The following MAP4K4 variants were observed in gnomAD, a reference collection of about 807,000 sequenced individuals.
MAP4K4 encodes HPK/GCK-like kinase HGK.
In MAP4K4, 38 loss-of-function variants were observed where a neutral mutation model predicts 189.6. That is an observed-to-expected ratio of 0.20 (90% confidence interval 0.15 to 0.26). The LOEUF (loss-of-function observed/expected upper bound fraction) is 0.26, where lower values mean the gene tolerates loss of function less well. Among genes scored for constraint, MAP4K4 ranks in the 10% least tolerant of loss-of-function variants. The pLI, the probability that MAP4K4 is intolerant of heterozygous loss-of-function variation, is 1.00. For synonymous variants in MAP4K4, 610 were observed against 624.3 expected (o/e 0.98, Z 0.34); for missense variants, 1,054 against 1,726.9 (o/e 0.61, Z 6.91).
At chr2:101,767,503 G>C (rs571021503) in intron 2 of MAP4K4, among the ~76,000 whole-genome samples, 1 of 152,316 alleles carries the variant, frequency 6.6e-6, no homozygotes, top group African/African-American at 2.4e-5. Flanking sequence ...ATGACAGCTT[G>C]CTTTGGCGTG....
At chr2:101,727,065 A>C (rs958723368) in intron 2 of MAP4K4, among the ~76,000 whole-genome samples, 2 of 152,184 alleles carry the variant, frequency 1.3e-5, no homozygotes, top group Non-Finnish European at 2.9e-5. Context: ...GGATGAACCC[A>C]TTTATGAAGA....
intron 2 of MAP4K4, among the ~76,000 whole-genome samples, chr2:101,755,885 T>G (rs140639732): frequency 6.6e-6 from 1 of 151,980 alleles, no homozygotes; most frequent in Non-Finnish European, 1.5e-5. Context: ...TTACTGTGTT[T>G]TGATGCATGC....
At chr2:101,834,182 TCCCTCCCTC>T (rs1424903505) in intron 7 of MAP4K4, among the ~76,000 whole-genome samples, 1 of 122,182 alleles carries the variant, frequency 8.2e-6, no homozygotes, top group South Asian at 3.3e-4. Context: ...TTCCCTCCCT[TCCCTCCCTC>T]CCCTCCCTCC....
chr2:101,812,246 G>A (rs1208507718), intron 3 of MAP4K4, among the ~76,000 whole-genome samples: 2 of 152,290 alleles, frequency 1.3e-5, no homozygotes, highest in Non-Finnish European at 2.9e-5. Flanking sequence ...TGACTCAGGG[G>A]ACTCCATGCA....
chr2:101,817,787 G>A (rs1163608198), intron 3 of MAP4K4, among the ~76,000 whole-genome samples: 1 of 152,212 alleles, frequency 6.6e-6, no homozygotes, highest in Non-Finnish European at 1.5e-5. Context: ...AGGATGCGTT[G>A]CGTTTTTGTT....
At chr2:101,772,030 C>T (rs2081701693) in intron 2 of MAP4K4, among the ~76,000 whole-genome samples, 1 of 152,196 alleles carries the variant, frequency 6.6e-6, no homozygotes, top group Non-Finnish European at 1.5e-5. Flanking sequence ...CAAGGCCAGG[C>T]CTCTAGTAAG....
chr2:101,785,698 C>CTTTTCCTTTTTTGAGTTGGAG (rs1558913722), intron 2 of MAP4K4, among the ~76,000 whole-genome samples: 39 of 3,970 alleles, frequency 9.8e-3, no homozygotes, highest in Admixed American at 0.013. Flanking sequence ...CTCTCTCTCT[C>CTTTTCCTTTTTTGAGTTGGAG]TCTCTCTCTC....
intron 2 of MAP4K4, among the ~76,000 whole-genome samples, chr2:101,725,092 G>C (rs1437380469): frequency 1.3e-5 from 2 of 152,160 alleles, no homozygotes; most frequent in Admixed American, 6.5e-5. Flanking sequence ...TTTCTCACAT[G>C]GATGACATTG....
At position 101,835,890 on chromosome 2, in the gene MAP4K4, C is replaced by T; in HGVS notation, c.695-10C>T. 6.2e-7 allele frequency: 1 copy of T among 1,601,332 alleles called. No individual in the cohort carries two copies. Among genetic ancestry groups the T allele is most frequent in the Non-Finnish European group, 8.6e-7 (1 of 1,168,600 alleles). On this transcript the variant is annotated splice_polypyrimidine_tract_variant and intron_variant, in intron 8 of 32. Transcript: ENST00000324219. ...AGTGCCATACTGACACGACCGTCTCCTCTCCCCAGCTCTCTGTGACATGCA... is the reference window on the plus strand; with the variant it reads ...AGTGCCATACTGACACGACCGTCTCTTCTCCCCAGCTCTCTGTGACATGCA...
At chr2:101,785,970 C>T (rs1029681415) in intron 2 of MAP4K4, among the ~76,000 whole-genome samples, 27 of 152,104 alleles carry the variant, frequency 1.8e-4, no homozygotes, top group South Asian at 4.1e-4. Flanking sequence ...GGATTATAGG[C>T]GCCCGCCACC....
chr2:101,792,133 G>GTACC (rs1293340389), intron 3 of MAP4K4, among the ~76,000 whole-genome samples: 2 of 152,118 alleles, frequency 1.3e-5, no homozygotes, highest in African/African-American at 4.8e-5. Flanking sequence ...TATTTATGAA[G>GTACC]TACCCTCTTT....
intron 2 of MAP4K4, among the ~76,000 whole-genome samples, chr2:101,703,638 AG>A (rs2040320548): frequency 1.1e-5 from 1 of 90,800 alleles, no homozygotes; most frequent in East Asian, 3.4e-4. Context: ...AAAAAAAAAA[AG>A]GCGGGGGTGG....
chr2:101,825,451 A>G (rs769269014), intron 5 of MAP4K4, 22 bp downstream of exon 5: 1 of 1,514,938 alleles, frequency 6.6e-7, no homozygotes, highest in Non-Finnish European at 9.2e-7. Flanking sequence ...GGGTGGCTAC[A>G]GTGCTCCAAC....
At chr2:101,856,726 C>T (rs989372533) in intron 13 of MAP4K4, among the ~76,000 whole-genome samples, 2 of 152,138 alleles carry the variant, frequency 1.3e-5, no homozygotes, top group Non-Finnish European at 2.9e-5. Flanking sequence ...GTTTCCTGAA[C>T]CACCTGTACA....
Position 101,716,758 on chromosome 2 carries a change from A to G in MAP4K4, c.123+18220A>G, listed in dbSNP as rs571105682. On this transcript the variant is annotated intron_variant, in intron 2 of 32. Coordinates refer to ENST00000324219, the Ensembl canonical transcript of MAP4K4. ...CCATCTCTTCTAGGATCTCTCCGGAAGCTGAAGTCAGCTGGCAGTTAACTG... is the reference window on the plus strand; with the variant it reads ...CCATCTCTTCTAGGATCTCTCCGGAGGCTGAAGTCAGCTGGCAGTTAACTG... 1.4e-4 allele frequency among the ~76,000 whole-genome samples: 22 copies of G among 152,282 alleles called. No individual in the cohort carries two copies. In the East Asian group the frequency reaches 4.1e-3, roughly 28 times the overall value.
intron 2 of MAP4K4, among the ~76,000 whole-genome samples, chr2:101,719,634 G>A (rs2050519982): frequency 6.6e-6 from 1 of 152,160 alleles, no homozygotes; most frequent in African/African-American, 2.4e-5. Flanking sequence ...TTGATTATGT[G>A]GTCTCTCTTG....
At chr2:101,740,180 G>T in intron 2 of MAP4K4, among the ~76,000 whole-genome samples, 1 of 88,484 alleles carries the variant, frequency 1.1e-5, no homozygotes, top group Admixed American at 1.1e-4. Context: ...TTGAGACGGA[G>T]TCTCGCTCTG....
intron 24 of MAP4K4, among the ~76,000 whole-genome samples, chr2:101,872,030 T>C (rs1227183928): frequency 6.6e-6 from 1 of 152,228 alleles, no homozygotes; most frequent in Non-Finnish European, 1.5e-5. Flanking sequence ...TTATAGTCAT[T>C]TGTGGAATCT....
exon 33 of MAP4K4, chr2:101,891,376 G>A (rs1358094000): frequency 3.2e-5 from 23 of 721,152 alleles, no homozygotes; most frequent in Non-Finnish European, 4.6e-5. Context: ...CAGACCTCAT[G>A]TGTTGGGTTC....
Sources: allele counts gnomAD v4.1 joint callset (sites outside exome capture counted in the v4.1 genomes callset), GRCh38; gene constraint gnomAD v4.1.1; transcripts MANE v1.5; gene names NCBI Gene and HGNC (gene_info 2026-07-23, HGNC 2026-07-21).